WDR36: variants seen among roughly 807,000 people sequenced by gnomAD.
The protein encoded by WDR36 is WD repeat-containing protein 36.
In WDR36, 63 loss-of-function variants were observed where a neutral mutation model predicts 112.7. The ratio of observed to expected loss-of-function variants is 0.56; its 90% CI spans 0.46 to 0.69. The LOEUF (loss-of-function observed/expected upper bound fraction) is 0.69, where lower values mean the gene tolerates loss of function less well. Ranked by LOEUF, WDR36 falls within the 30% of genes least tolerant of loss-of-function variation. The probability of loss-of-function intolerance (pLI) is 0.00; values close to 1 mark genes in which losing one functional copy is unlikely to be tolerated. For missense variants in WDR36, 1,226 were observed against 1,070.3 expected (o/e 1.15, Z -2.03); for synonymous variants, 410 against 362.2 (o/e 1.13, Z -1.50).
At chr5:111,110,738 G>A in intron 13 of WDR36, 50 bp from the exon 14 acceptor site, 4 of 1,576,818 alleles carry the variant, frequency 2.5e-6, no homozygotes, top group Non-Finnish European at 3.5e-6. Flanking sequence ...TGTTCAGAGA[G>A]AAACACTGCC....
At chr5:111,115,784 T>G (rs1277734302) in intron 16 of WDR36, among the ~76,000 whole-genome samples, 1 of 152,206 alleles carries the variant, frequency 6.6e-6, no homozygotes, top group Non-Finnish European at 1.5e-5. Flanking sequence ...TAAAGTTTCC[T>G]GTAAAGTTTT....
intron 16 of WDR36, among the ~76,000 whole-genome samples, chr5:111,117,871 G>T (rs1238994887): frequency 1.3e-5 from 2 of 152,108 alleles, no homozygotes; most frequent in African/African-American, 4.8e-5. Context: ...CTCGCTTTTA[G>T]CCAGCCTAAG....
Position 111,129,136 on chromosome 5 carries a change from T to C in WDR36, c.*2253T>C, listed in dbSNP as rs1393326527. The C allele has an allele frequency of 5.0e-6, 1 of 198,348 alleles. No homozygotes were observed. Among genetic ancestry groups the C allele is most frequent in the Non-Finnish European group, 1.0e-5 (1 of 95,822 alleles). 12.3% of individuals were successfully genotyped at this position (198,348 alleles called of 1,614,324 possible). ...GTGCACTGTCCAACAGTACTTTGCC[T>C]ATAATAGACACTTAAGGAAGTTTTC... On this transcript the variant is annotated 3_prime_UTR_variant, in exon 23 of 23. Transcript: ENST00000513710.
chr5:111,115,781 T>A (rs1753443054), intron 16 of WDR36, among the ~76,000 whole-genome samples: 2 of 152,186 alleles, frequency 1.3e-5, no homozygotes, highest in Admixed American at 6.5e-5. Flanking sequence ...TATTAAAGTT[T>A]CCTGTAAAGT....
intron 16 of WDR36, among the ~76,000 whole-genome samples, chr5:111,115,884 C>CT (rs1753444826): frequency 6.6e-6 from 1 of 152,122 alleles, no homozygotes; most frequent in Non-Finnish European, 1.5e-5. Context: ...TCCTCTGCCA[C>CT]TACCACCACC....
In WDR36 at chr5:111,113,035, A is replaced by AATAT. The variant is rs376288151; in HGVS notation, c.1717-24_1717-21dup. On this transcript the variant is annotated intron_variant, in intron 15 of 22. Transcript: ENST00000513710. The stretch of plus-strand genomic sequence containing the variant: ...TATTCATATATATTTATATATAAAT[A>AATAT]ATATATATATATATATATTTTTTTT... 422 of 352,552 alleles carry AATAT rather than the reference A, an allele frequency of 1.2e-3. 1 individual carries two copies. Among genetic ancestry groups the AATAT allele is most frequent in the African/African-American group, 6.0e-3 (221 of 36,558 alleles). The allele number at this position is 352,552 out of a possible 1,614,324, so 21.8% of individuals were successfully genotyped here.
In WDR36 at chr5:111,092,692, G is replaced by A. The variant is rs1752892105; in HGVS notation, c.162+74G>A. 3 of 1,493,478 alleles carry A rather than the reference G, an allele frequency of 2.0e-6. No homozygotes were observed. The Admixed American group carries it at 5.7e-5, about 29-fold the overall frequency. The allele number at this position is 1,493,478 out of a possible 1,614,324, so 92.5% of individuals were successfully genotyped here. ...CTCTAACTCTGTCCTGGAGCAGTCC[G>A]GTTCTCCCTTCCCATTTACCACGGG... On this transcript the variant is annotated intron_variant, in intron 1 of 22. Coordinates refer to ENST00000513710, the MANE Select transcript of WDR36 (RefSeq NM_139281.3).
chr5:111,095,527 C>T (rs960793533), intron 2 of WDR36, among the ~76,000 whole-genome samples: 1 of 152,122 alleles, frequency 6.6e-6, no homozygotes, highest in Non-Finnish European at 1.5e-5. Context: ...ATGATGGTTG[C>T]CAAATGCATG....
chr5:111,112,214 C>T (rs1423952540), intron 15 of WDR36, among the ~76,000 whole-genome samples: 2 of 151,890 alleles, frequency 1.3e-5, no homozygotes, highest in Admixed American at 6.6e-5. Context: ...TTTTTCAAAC[C>T]TTACTTTCAA....
rs538892810 is a variant in WDR36 at position 111,104,682 on chromosome 5, T to C, written c.907-15T>C. ...GGAACATTGTAGAAGAACTGACGTT[T>C]TTATTTCTTGGCAGATATGGATATT... On this transcript the variant is annotated splice_polypyrimidine_tract_variant and intron_variant, in intron 8 of 22. Transcript: ENST00000513710. 6.2e-7 allele frequency: 1 copy of C among 1,610,890 alleles called. No individual in the cohort carries two copies. The highest frequency in any genetic ancestry group is 1.3e-5 in the African/African-American group (1 of 74,838).
At chr5:111,111,811 AG>A (rs1328748628) in intron 15 of WDR36, among the ~76,000 whole-genome samples, 2 of 151,926 alleles carry the variant, frequency 1.3e-5, no homozygotes, top group African/African-American at 4.8e-5. Flanking sequence ...TAGTTTAAAT[AG>A]CATATTTCAT....
At position 111,121,204 on chromosome 5, in the gene WDR36, G is replaced by A. The variant is rs1753559962; in HGVS notation, c.2148+63G>A. The A allele has an allele frequency of 4.4e-6, 7 of 1,588,518 alleles. 1 individual carries two copies. Among genetic ancestry groups the A allele is most frequent in the Non-Finnish European group, 5.2e-6 (6 of 1,159,190 alleles). ...TCCAGAAGCATTTTTATTTTTTTAA[G>A]CAGAGAGAACTTCTCCTACATTGAG... On this transcript the variant is annotated intron_variant, in intron 19 of 22. Transcript: ENST00000513710.
chr5:111,104,375 C>T (rs765120402), intron 8 of WDR36, 23 bp downstream of exon 8: 1 of 1,611,266 alleles, frequency 6.2e-7, no homozygotes, highest in Non-Finnish European at 8.5e-7. Context: ...TTGTTAACAT[C>T]TTCCTGGCTC....
intron 1 of WDR36, among the ~76,000 whole-genome samples, chr5:111,093,292 T>A (rs1437584817): frequency 6.6e-6 from 1 of 152,266 alleles, no homozygotes; most frequent in Non-Finnish European, 1.5e-5. Flanking sequence ...TTTACTTGTT[T>A]CTTTTGTCTT....
Position 111,123,839 on chromosome 5 carries a change from C to G in WDR36, c.2183C>G (p.Pro728Arg), listed in dbSNP as rs765026172. The G allele has an allele frequency of 6.2e-7, 1 of 1,613,794 alleles. No homozygotes were observed. The highest frequency in any genetic ancestry group is 1.1e-5 in the South Asian group (1 of 91,068). Residue 728 changes from proline (P) to arginine (R), a missense_variant, in exon 20 of 23, where the codon CCC becomes CGC. Transcript: ENST00000513710. ...KNKPKEPPKVPKSAPFFIPTI... is the reference protein window; with the variant it reads ...KNKPKEPPKVRKSAPFFIPTI... ...AAACCAAAGGAACCACCCAAAGTACCCAAATCAGCACCATTTTTCATTCCA... is the reference window on the plus strand; with the variant it reads ...AAACCAAAGGAACCACCCAAAGTACGCAAATCAGCACCATTTTTCATTCCA...
intron 13 of WDR36, 41 bp downstream of exon 13, chr5:111,110,344 A>G (rs1055807478): frequency 1.4e-6 from 2 of 1,465,298 alleles, no homozygotes; most frequent in Non-Finnish European, 1.9e-6. Context: ...ATGTAGATAG[A>G]TACAAAACTA....
intron 22 of WDR36, among the ~76,000 whole-genome samples, chr5:111,126,235 TG>T (rs1753676338): frequency 1.3e-5 from 2 of 152,134 alleles, no homozygotes; most frequent in Admixed American, 6.6e-5. Flanking sequence ...TGGGTTTGTT[TG>T]TTTTTTTTTC....
At chr5:111,113,217 A>T in intron 16 of WDR36, 64 bp downstream of exon 16, 1 of 1,007,220 alleles carries the variant, frequency 9.9e-7, no homozygotes, top group Non-Finnish European at 1.5e-6. Context: ...TTCACATGTG[A>T]CTTTTACCGA....
At chr5:111,104,447 G>T (rs776055983) in intron 8 of WDR36, 95 bp downstream of exon 8, 10 of 1,537,408 alleles carry the variant, frequency 6.5e-6, no homozygotes, top group Non-Finnish European at 5.4e-6. Context: ...CAACCTAGAA[G>T]ATGAAAGGAA....
Sources: allele counts gnomAD v4.1 joint callset (sites outside exome capture counted in the v4.1 genomes callset), GRCh38; gene constraint gnomAD v4.1.1; transcripts MANE v1.5; gene names NCBI Gene and HGNC (gene_info 2026-07-23, HGNC 2026-07-21).